Variants in DOP1A observed in about 807,000 individuals in gnomAD.
DOP1A encodes protein DOP1A.
DOP1A carries 90 observed loss-of-function variants against 267.6 expected under a neutral mutation model. The observed-to-expected ratio is 0.34, with a 90% CI of 0.28 to 0.40. The LOEUF is 0.40. DOP1A is among the 10% of genes least tolerant of loss of function. The pLI, the probability that DOP1A is intolerant of heterozygous loss-of-function variation, is 1.00. For synonymous variants in DOP1A, 932 were observed against 999.1 expected, an observed-to-expected ratio of 0.93 and a Z score of 1.27; for missense variants, 2,437 against 2,900.4, an observed-to-expected ratio of 0.84 and a Z score of 3.67.
intron 24 of DOP1A, among the ~76,000 whole-genome samples, chr6:83,144,583 G>C (rs1394826881): frequency 6.6e-6 from 1 of 152,136 alleles, no homozygotes; most frequent in African/African-American, 2.4e-5. Flanking sequence ...AAATAATCAT[G>C]TGAACATTGG....
chr6:83,139,226 T>G (rs1294568206), intron 21 of DOP1A, 64 bp downstream of exon 21: 2 of 1,261,070 alleles, frequency 1.6e-6, no homozygotes, highest in African/African-American at 1.5e-5. Flanking sequence ...GCTTAATGTC[T>G]GGAAAGTTGG....
intron 12 of DOP1A, 110 bp from the exon 13 acceptor site, chr6:83,124,595 C>T (rs757656396): frequency 3.1e-5 from 25 of 806,666 alleles, no homozygotes; most frequent in Non-Finnish European, 4.6e-5. Flanking sequence ...AAAAACATTA[C>T]TGTGTGTGAC....
At chr6:83,101,775 C>T (rs1772627420) in intron 4 of DOP1A, among the ~76,000 whole-genome samples, 1 of 152,104 alleles carries the variant, frequency 6.6e-6, no homozygotes, top group Admixed American at 6.5e-5. Context: ...ATTTAAGATA[C>T]ACAACATGAT....
intron 5 of DOP1A, 146 bp downstream of exon 5, chr6:83,109,226 T>G (rs984543003): frequency 1.4e-6 from 1 of 697,050 alleles, no homozygotes; most frequent in South Asian, 2.3e-5. Flanking sequence ...AATGAAACAT[T>G]ATTATAGTTT....
In DOP1A at chr6:83,125,722, G is replaced by A. The variant is rs773150240; in HGVS notation, c.1708G>A (p.Glu570Lys). 8 of 1,607,118 alleles carry A rather than the reference G, an allele frequency of 5.0e-6. No individual in the cohort carries two copies. The South Asian group carries it at 7.7e-5, about 15-fold the overall frequency. Residue 570 changes from glutamate (E) to lysine (K), a missense_variant, in exon 15 of 39, where the codon GAA becomes AAA. Transcript: ENST00000349129. ...SGQNNSVKEW[E>K]DKKVSSVSHE... is the part of the protein sequence containing the mutation. ...GCAGAACAATTCAGTCAAAGAGTGG[G>A]AAGACAAAAAGGTAATTTTAACTAT... is the stretch of plus-strand genomic sequence containing the variant.
At chr6:83,131,370 TA>T (rs1198754087) in intron 17 of DOP1A, among the ~76,000 whole-genome samples, 1 of 152,142 alleles carries the variant, frequency 6.6e-6, no homozygotes, top group Non-Finnish European at 1.5e-5. Context: ...ATTATTGCAT[TA>T]TTATTATTAC....
intron 25 of DOP1A, among the ~76,000 whole-genome samples, chr6:83,146,363 A>C (rs1780651571): frequency 6.6e-6 from 1 of 152,216 alleles, no homozygotes. Flanking sequence ...TATATATCTG[A>C]AAATGTTGAA....
At chr6:83,152,196 C>T (rs978608171) in intron 29 of DOP1A, 92 bp from the exon 30 acceptor site, 4 of 698,928 alleles carry the variant, frequency 5.7e-6, no homozygotes, top group African/African-American at 2.0e-5. Flanking sequence ...TATATATATA[C>T]ATATATAAAA....
intron 37 of DOP1A, among the ~76,000 whole-genome samples, chr6:83,160,434 TAAG>T (rs1783966314): frequency 1.3e-5 from 2 of 152,224 alleles, no homozygotes; most frequent in African/African-American, 2.4e-5. Context: ...AGCAGAATGT[TAAG>T]AAGAAGCTGG....
chr6:83,106,171 T>C (rs1279214794), intron 4 of DOP1A, among the ~76,000 whole-genome samples: 2 of 152,234 alleles, frequency 1.3e-5, no homozygotes, highest in Non-Finnish European at 2.9e-5. Flanking sequence ...TATTACATGA[T>C]AGAATACCAT....
intron 1 of DOP1A, among the ~76,000 whole-genome samples, chr6:83,084,318 A>G (rs1768677989): frequency 6.6e-6 from 1 of 152,194 alleles, no homozygotes. Context: ...GCAATAGGTT[A>G]TACCATATAG....
intron 16 of DOP1A, 134 bp from the exon 17 acceptor site, chr6:83,129,989 G>C: frequency 9.5e-7 from 1 of 1,056,758 alleles, no homozygotes; most frequent in East Asian, 2.5e-5. Context: ...CTCTAGACTA[G>C]GTGAGAAACC....
At chr6:83,084,843 G>A (rs1431175989) in intron 1 of DOP1A, among the ~76,000 whole-genome samples, 1 of 151,770 alleles carries the variant, frequency 6.6e-6, no homozygotes, top group Non-Finnish European at 1.5e-5. Flanking sequence ...TGCCTGCCTT[G>A]GCCTCCCAAA....
At chr6:83,097,860 ATTTTATTATT>A (rs1331070617) in intron 3 of DOP1A, among the ~76,000 whole-genome samples, 2 of 149,876 alleles carry the variant, frequency 1.3e-5, no homozygotes, top group Non-Finnish European at 3.0e-5. Context: ...ATTTTATTTT[ATTTTATTATT>A]TTATTTTATT....
intron 28 of DOP1A, 44 bp downstream of exon 28, chr6:83,151,703 C>T (rs1432609297): frequency 1.3e-6 from 2 of 1,547,598 alleles, no homozygotes; most frequent in East Asian, 2.3e-5. Flanking sequence ...TTCTCAGTGC[C>T]CTCAATTTGA....
rs758574839 is a variant in DOP1A at position 83,123,012 on chromosome 6, C to T, written c.1340+30C>T. 11 of 1,567,930 alleles carry T rather than the reference C, an allele frequency of 7.0e-6. No individual in the cohort carries two copies. In the East Asian group the frequency reaches 7.0e-5, roughly 10 times the overall value. Reference sequence around the variant, plus strand: ...GTTAAACTTTCATTCCTTTTAATTTCGTAACATCTAAAGCTAACCTTTGGG... The same window carrying T: ...GTTAAACTTTCATTCCTTTTAATTTTGTAACATCTAAAGCTAACCTTTGGG... On this transcript the variant is annotated intron_variant, in intron 12 of 38. Transcript: ENST00000349129.
At position 83,138,572 on chromosome 6, in the gene DOP1A, T is replaced by C; in HGVS notation, c.4530T>C (p.Gly1510=). ...LAKVIESSAK[G]FPSFISDMLS... ...AAGTAATAGAAAGCTCAGCGAAGGG[T>C]TTCCCTAGTTTTATTTCTGATATGT... is the stretch of plus-strand genomic sequence containing the variant. Residue 1510 remains glycine (G), a synonymous_variant, in exon 21 of 39, where the codon GGT becomes GGC. Transcript: ENST00000349129. 1 of 1,613,508 alleles carries C rather than the reference T, an allele frequency of 6.2e-7. No homozygotes were observed. Among genetic ancestry groups the C allele is most frequent in the Non-Finnish European group, 8.5e-7 (1 of 1,179,868 alleles).
At chr6:83,079,730 G>A (rs1035724831) in intron 1 of DOP1A, among the ~76,000 whole-genome samples, 1 of 151,932 alleles carries the variant, frequency 6.6e-6, no homozygotes, top group African/African-American at 2.4e-5. Flanking sequence ...TTTATTTCTA[G>A]TAGTATGTTT....
rs1779243772 is a variant in DOP1A at position 83,139,161 on chromosome 6, A to G, written c.5119A>G (p.Arg1707Gly). 6.2e-7 allele frequency: 1 copy of G among 1,601,834 alleles called. No homozygotes were observed. Among genetic ancestry groups the G allele is most frequent in the Admixed American group, 1.7e-5 (1 of 59,488 alleles). ...ATACGAAACAGGATTATCTGATAGT[A>G]GGTAAGAGGTGATTTTTAACTTTAT... ...YKYETGLSDS[R>G]PLWMASIIPP... The change falls in exon 21 of 39, where the codon AGG becomes GGG. Residue 1707 changes from arginine to glycine, a missense_variant and splice_region_variant. Physicochemically the swap from Arg to Gly is moderately radical, Grantham distance 125 (BLOSUM62 -2). Transcript: ENST00000349129.
Sources: gnomAD v4.1 joint callset for allele counts (sites outside exome capture counted in the v4.1 genomes callset) on GRCh38, gnomAD v4.1.1 for gene constraint, MANE v1.5 for transcripts, NCBI Gene and HGNC (gene_info 2026-07-23, HGNC 2026-07-21) for gene names.